SLIT3: variants seen among roughly 807,000 people sequenced by gnomAD.
SLIT3 encodes slit guidance ligand 3, also known as slit homolog 3 protein.
A neutral mutation model predicts 184.0 loss-of-function variants in SLIT3; 68 were observed. That is an observed-to-expected ratio of 0.37 (90% CI 0.30 to 0.45). SLIT3 has a LOEUF of 0.45. Ranked by LOEUF, SLIT3 falls within the 20% of genes least tolerant of loss-of-function variation. The pLI, the probability that SLIT3 is intolerant of heterozygous loss-of-function variation, is 1.00. For synonymous variants in SLIT3, 831 were observed against 828.6 expected (o/e 1.00, Z -0.05); for missense variants, 1,707 against 2,026.0 (o/e 0.84, Z 3.02).
rs747658473 is a variant in SLIT3 at position 168,806,509 on chromosome 5, A to G, written c.872T>C (p.Val291Ala). ...CATCAAGCCCTTTCCTCGACAGTCC[A>G]CGATGTTATTGCTGCACGTGCAGGG... The part of the protein sequence containing the change: ...PSPCTCSNNI[V>A]DCRGKGLMEI... The change falls in exon 9 of 36, where the codon GTG becomes GCG. Residue 291 changes from valine to alanine, a missense_variant. Physicochemically the swap from Val to Ala is moderately conservative, Grantham distance 64. Coordinates refer to ENST00000519560, the MANE Select transcript of SLIT3 (RefSeq NM_003062.4). 2 of 1,614,190 alleles carry G rather than the reference A, an allele frequency of 1.2e-6. No homozygotes were observed. Among genetic ancestry groups the G allele is most frequent in the South Asian group, 1.1e-5 (1 of 91,088 alleles).
chr5:169,061,224 C>T (rs745705397), intron 4 of SLIT3, among the ~76,000 whole-genome samples: 2 of 152,160 alleles, frequency 1.3e-5, no homozygotes, highest in African/African-American at 4.8e-5. Flanking sequence ...TGGAAAATGA[C>T]CCTTTACTAT....
chr5:169,044,105 A>G (rs546098080), intron 4 of SLIT3, among the ~76,000 whole-genome samples: 27 of 152,330 alleles, frequency 1.8e-4, no homozygotes, highest in African/African-American at 6.0e-4. Flanking sequence ...CACACCCACC[A>G]GGATGTCTAT....
chr5:168,678,309 A>G (rs1403947009), intron 32 of SLIT3, among the ~76,000 whole-genome samples: 1 of 152,160 alleles, frequency 6.6e-6, no homozygotes, highest in Non-Finnish European at 1.5e-5. Context: ...CTAAGTCAGG[A>G]TGCCTCCATT....
intron 5 of SLIT3, among the ~76,000 whole-genome samples, chr5:168,871,294 T>C (rs183308117): frequency 6.6e-6 from 1 of 152,348 alleles, no homozygotes; most frequent in East Asian, 1.9e-4. Flanking sequence ...AATTCTTGAT[T>C]TGTAATCCTT....
chr5:168,673,974 T>A (rs1761332270), intron 32 of SLIT3, among the ~76,000 whole-genome samples: 1 of 152,218 alleles, frequency 6.6e-6, no homozygotes, highest in African/African-American at 2.4e-5. Flanking sequence ...AATTGCCCAA[T>A]TTCCCCCTTA....
intron 7 of SLIT3, among the ~76,000 whole-genome samples, chr5:168,822,066 G>A (rs892091815): frequency 5.3e-5 from 8 of 152,178 alleles, no homozygotes; most frequent in African/African-American, 1.7e-4. Flanking sequence ...GATCTGGTAT[G>A]TCTGGTATGG....
chr5:168,813,841 G>A (rs1218995093), intron 8 of SLIT3, among the ~76,000 whole-genome samples: 1 of 152,194 alleles, frequency 6.6e-6, no homozygotes, highest in Non-Finnish European at 1.5e-5. Flanking sequence ...TCCTGTCTCT[G>A]GAGCCATGTG....
chr5:169,157,558 C>T (rs1193832484), intron 4 of SLIT3, among the ~76,000 whole-genome samples: 1 of 152,164 alleles, frequency 6.6e-6, no homozygotes, highest in Non-Finnish European at 1.5e-5. Flanking sequence ...AATGCCTCCC[C>T]TTCCCATGTC....
chr5:168,819,482 G>GC (rs1757450805), intron 7 of SLIT3, among the ~76,000 whole-genome samples: 1 of 152,088 alleles, frequency 6.6e-6, no homozygotes, highest in Admixed American at 6.6e-5. Context: ...CTTTTAATGA[G>GC]CGTTTGGCTT....
chr5:168,880,592 CGTA>C (rs1406730157), intron 5 of SLIT3, among the ~76,000 whole-genome samples: 3 of 152,198 alleles, frequency 2.0e-5, no homozygotes, highest in Non-Finnish European at 4.4e-5. Context: ...ATGCATCAAG[CGTA>C]GGACTAAGTT....
At position 168,762,694 on chromosome 5, in the gene SLIT3, G is replaced by A. The variant is rs760983626; in HGVS notation, c.1460-5C>T. The A allele has an allele frequency of 1.2e-6, 2 of 1,612,636 alleles. No homozygotes were observed. The highest frequency in any genetic ancestry group is 1.1e-5 in the South Asian group (1 of 91,082). On this transcript the variant is annotated splice_polypyrimidine_tract_variant and splice_region_variant and intron_variant, in intron 14 of 35. Transcript: ENST00000519560. Reference sequence around the variant, plus strand: ...TGCTGCGGTAATCCTCGGAGCCTGGGAGGGGCCAAAGAGGGGACGTCAGCG... The same window carrying A: ...TGCTGCGGTAATCCTCGGAGCCTGGAAGGGGCCAAAGAGGGGACGTCAGCG...
rs540528948 is a variant in SLIT3 at position 168,834,686 on chromosome 5, C to CAAA, written c.557+9895_557+9897dup. ...TGGGACACACAGCGAGACTCTGTCT[C>CAAA]AAAAAAAAAAAAAAAAAAAAAAAAA... On this transcript the variant is annotated intron_variant, in intron 6 of 35. Coordinates refer to ENST00000519560, the MANE Select transcript of SLIT3 (RefSeq NM_003062.4). Among the ~76,000 whole-genome samples, 37 of 37,426 alleles carry CAAA rather than the reference C, an allele frequency of 9.9e-4. 7 individuals are homozygous for CAAA. Among genetic ancestry groups the CAAA allele is most frequent in the East Asian group, 1.9e-3 (2 of 1,026 alleles). 24.6% of individuals were successfully genotyped at this position (37,426 alleles called of 152,430 possible).
chr5:168,982,692 T>C (rs1332761252), intron 4 of SLIT3, among the ~76,000 whole-genome samples: 1 of 152,192 alleles, frequency 6.6e-6, no homozygotes, highest in Admixed American at 6.5e-5. Context: ...ACTCATGGGC[T>C]TAGTCCTCAC....
chr5:169,219,359 C>A (rs1024847339), intron 3 of SLIT3, among the ~76,000 whole-genome samples: 1 of 152,216 alleles, frequency 6.6e-6, no homozygotes, highest in Non-Finnish European at 1.5e-5. Flanking sequence ...CCCAACATGC[C>A]TAGAAGGTGC....
At chr5:168,715,839 A>G (rs1762708748) in intron 23 of SLIT3, among the ~76,000 whole-genome samples, 1 of 150,766 alleles carries the variant, frequency 6.6e-6, no homozygotes, top group Admixed American at 6.6e-5. Context: ...GGCCTATCTA[A>G]TTTTGTATTT....
At chr5:168,693,391 GC>G (rs1472110385) in intron 28 of SLIT3, among the ~76,000 whole-genome samples, 1 of 152,190 alleles carries the variant, frequency 6.6e-6, no homozygotes, top group Non-Finnish European at 1.5e-5. Context: ...TAGACACATT[GC>G]CTTTGAAGTC....
chr5:169,003,130 C>T (rs1755778153), intron 4 of SLIT3, among the ~76,000 whole-genome samples: 1 of 152,192 alleles, frequency 6.6e-6, no homozygotes, highest in South Asian at 2.1e-4. Flanking sequence ...ATGATATTAC[C>T]AGTATGTATC....
At chr5:168,851,210 C>T (rs1758661841) in intron 5 of SLIT3, among the ~76,000 whole-genome samples, 1 of 151,540 alleles carries the variant, frequency 6.6e-6, no homozygotes, top group South Asian at 2.1e-4. Flanking sequence ...GTAGTCCCAG[C>T]TACTCGGGAG....
At chr5:168,696,525 A>C (rs2113268609) in intron 27 of SLIT3, 94 bp from the exon 28 acceptor site, 1 of 1,456,910 alleles carries the variant, frequency 6.9e-7, no homozygotes, top group East Asian at 2.3e-5. Flanking sequence ...TGGGAAATAC[A>C]ATTAGTTTTT....
Sources: gnomAD v4.1 joint callset for allele counts (sites outside exome capture counted in the v4.1 genomes callset) on GRCh38, gnomAD v4.1.1 for gene constraint, MANE v1.5 for transcripts, NCBI Gene and HGNC (gene_info 2026-07-23, HGNC 2026-07-21) for gene names.